The following CYTL1 variants were observed in gnomAD, a reference collection of about 807,000 sequenced individuals.
CYTL1 encodes cytokine like 1.
In CYTL1, 17 loss-of-function variants were observed where a neutral mutation model predicts 13.1. The ratio of observed to expected loss-of-function variants is 1.29; its 90% CI spans 0.89 to 1.94. The LOEUF is 1.94. Ranked by LOEUF, CYTL1 falls within the 30% of genes most tolerant of loss-of-function variation. The probability of loss-of-function intolerance (pLI) is 0.00; values close to 1 mark genes in which losing one functional copy is unlikely to be tolerated. For synonymous variants in CYTL1, 91 were observed against 79.4 expected, an observed-to-expected ratio of 1.15 and a Z score of -0.78; for missense variants, 213 against 174.8, an observed-to-expected ratio of 1.22 and a Z score of -1.23.
intron 3 of CYTL1, among the ~76,000 whole-genome samples, chr4:5,016,206 G>A (rs1354021905): frequency 6.6e-6 from 1 of 152,196 alleles, no homozygotes; most frequent in Non-Finnish European, 1.5e-5. Context: ...ATGGTATGAT[G>A]CAGCAAGAAG....
intron 1 of CYTL1, 30 bp from the exon 2 acceptor site, chr4:5,017,209 G>A: frequency 6.2e-7 from 1 of 1,609,536 alleles, no homozygotes; most frequent in Admixed American, 1.7e-5. Flanking sequence ...GTTCTGGGAT[G>A]CCCACAGGGG....
chr4:5,015,375 A>G (rs1741050958), intron 3 of CYTL1, 141 bp from the exon 4 acceptor site: 1 of 622,384 alleles, frequency 1.6e-6, no homozygotes, highest in East Asian at 2.8e-5. Flanking sequence ...TACTCTCCCC[A>G]AAAAGGGCTA....
rs1018761416 is a variant in CYTL1, at chr4:5,016,921, G to T, written c.242C>A (p.Pro81His). The change falls in exon 3 of 4, where the codon CCC becomes CAC. Residue 81 changes from proline (P) to histidine (H), a missense_variant. By Grantham distance (77) the Pro-to-His change is moderately conservative (BLOSUM62 -2). Transcript: ENST00000307746. ...TACCTGGGCCACTTTCCAACACGGG[G>T]GCGAGGCCACAAAGTCCCGCAGCTT... ...LDKLRDFVAS[P>H]PCWKVAQVDS... 2.5e-6 allele frequency: 4 copies of T among 1,614,062 alleles called. No homozygotes were observed. Among genetic ancestry groups the T allele is most frequent in the African/African-American group, 1.3e-5 (1 of 74,912 alleles).
chr4:5,014,944 G>A lies in CYTL1; in HGVS notation c.*207C>T, dbSNP rs1433317843. 13 of 568,940 alleles carry A rather than the reference G, an allele frequency of 2.3e-5. No individual in the cohort carries two copies. The highest frequency in any genetic ancestry group is 3.8e-5 in the African/African-American group (2 of 52,966). The allele number at this position is 568,940 out of a possible 1,614,324, so 35.2% of individuals were successfully genotyped here. A position where few individuals can be genotyped will look rare whatever the true frequency, so the allele number is the denominator to read the frequency against. On this transcript the variant is annotated 3_prime_UTR_variant, in exon 4 of 4. Coordinates refer to ENST00000307746, the MANE Select transcript of CYTL1 (RefSeq NM_018659.3). ...CCATCCTGGCAAGACATGAGTCAAG[G>A]GAATGAGAAGCATGGTTGCTAACTC...
intron 3 of CYTL1, 68 bp from the exon 4 acceptor site, chr4:5,015,302 G>C: frequency 2.4e-6 from 3 of 1,247,710 alleles, no homozygotes; most frequent in Non-Finnish European, 3.5e-6. Context: ...GCAACTGTAG[G>C]GCTCTTGGTT....
At chr4:5,018,022 C>T (rs899394871) in intron 1 of CYTL1, among the ~76,000 whole-genome samples, 1 of 152,156 alleles carries the variant, frequency 6.6e-6, no homozygotes, top group African/African-American at 2.4e-5. Context: ...ACTTTTTAAA[C>T]CTTTTAAAAT....
At chr4:5,017,010 C>G (rs780400407) in intron 2 of CYTL1, 46 bp from the exon 3 acceptor site, 10 of 1,612,814 alleles carry the variant, frequency 6.2e-6, no homozygotes, top group Non-Finnish European at 8.5e-6. Flanking sequence ...AAGTCAGTAG[C>G]AAGAGGAACA....
At chr4:5,019,088 CT>C (rs1741140904) in intron 1 of CYTL1, among the ~76,000 whole-genome samples, 2 of 123,218 alleles carry the variant, frequency 1.6e-5, no homozygotes, top group African/African-American at 6.2e-5. Context: ...GTTGTCTTTA[CT>C]TTTTCTTGTG....
rs1330789424 is a variant in CYTL1, at chr4:5,016,901, G to C, written c.262C>G (p.Gln88Glu). The C allele has an allele frequency of 1.9e-6, 3 of 1,614,054 alleles. No individual in the cohort carries two copies. The highest frequency in any genetic ancestry group is 2.5e-6 in the Non-Finnish European group (3 of 1,180,050). Reference sequence around the variant, plus strand: ...GCTTTGTCCTTCAAGGAATCTACCTGGGCCACTTTCCAACACGGGGGCGAG... The same window carrying C: ...GCTTTGTCCTTCAAGGAATCTACCTCGGCCACTTTCCAACACGGGGGCGAG... The part of the protein sequence containing the change: ...VASPPCWKVA[Q>E]VDSLKDKARK... The change falls in exon 3 of 4, where the codon CAG becomes GAG. Residue 88 changes from glutamine to glutamate, a missense_variant. Coordinates refer to ENST00000307746, the MANE Select transcript of CYTL1 (RefSeq NM_018659.3).
rs745376568 is a variant in CYTL1 at position 5,019,385 on chromosome 4, G to T, written c.61C>A (p.Arg21=). 1 of 1,499,234 alleles carries T rather than the reference G, an allele frequency of 6.7e-7. No homozygotes were observed. The highest frequency in any genetic ancestry group is 8.8e-7 in the Non-Finnish European group (1 of 1,132,192). 92.9% of individuals were successfully genotyped at this position (1,499,234 alleles called of 1,614,324 possible). ...LLLLAGAPAA[R]PTPPTCYSRM... The stretch of plus-strand genomic sequence containing the variant: ...GAGTAGCAGGTCGGGGGAGTGGGCC[G>T]CGCGGCGGGGGCTCCCGCCAGGAGC... Residue 21 remains arginine (R), a synonymous_variant, in exon 1 of 4, where the codon CGG becomes AGG. Transcript: ENST00000307746.
At position 5,015,115 on chromosome 4, in the gene CYTL1, T is replaced by C. The variant is rs1250856324; in HGVS notation, c.*36A>G. 1.3e-6 allele frequency: 2 copies of C among 1,581,288 alleles called. No individual in the cohort carries two copies. The highest frequency in any genetic ancestry group is 1.7e-6 in the Non-Finnish European group (2 of 1,151,306). ...TAAGTCTGGGTAGCTGACATAACTGTAGTTCTCTTGGGTTCTTTCTCTGGT... is the reference window on the plus strand; with the variant it reads ...TAAGTCTGGGTAGCTGACATAACTGCAGTTCTCTTGGGTTCTTTCTCTGGT... On this transcript the variant is annotated 3_prime_UTR_variant, in exon 4 of 4. Coordinates refer to ENST00000307746, the MANE Select transcript of CYTL1 (RefSeq NM_018659.3).
In CYTL1 at chr4:5,016,927, G is replaced by A. The variant is rs367757449; in HGVS notation, c.236C>T (p.Ala79Val). The A allele has an allele frequency of 7.4e-6, 12 of 1,614,080 alleles. No individual in the cohort carries two copies. Among genetic ancestry groups the A allele is most frequent in the Non-Finnish European group, 1.0e-5 (12 of 1,180,048 alleles). Reference sequence around the variant, plus strand: ...GGCCACTTTCCAACACGGGGGCGAGGCCACAAAGTCCCGCAGCTTGTCCAG... The same window carrying A: ...GGCCACTTTCCAACACGGGGGCGAGACCACAAAGTCCCGCAGCTTGTCCAG... ...CVLDKLRDFVASPPCWKVAQV... is the reference protein window; with the variant it reads ...CVLDKLRDFVVSPPCWKVAQV... The change falls in exon 3 of 4, where the codon GCC (alanine) becomes GTC (valine). Residue 79 changes from alanine to valine, a missense_variant. Ala to Val is a moderately conservative substitution (Grantham distance 64, BLOSUM62 0). Transcript: ENST00000307746.
At chr4:5,015,520 G>A (rs1185369321) in intron 3 of CYTL1, among the ~76,000 whole-genome samples, 1 of 152,190 alleles carries the variant, frequency 6.6e-6, no homozygotes, top group Non-Finnish European at 1.5e-5. Context: ...GGGTGAGGGA[G>A]GGAATAAATG....
At chr4:5,016,726 C>T in intron 3 of CYTL1, 110 bp downstream of exon 3, 2 of 1,373,834 alleles carry the variant, frequency 1.5e-6, no homozygotes, top group Non-Finnish European at 2.0e-6. Context: ...TGCGAAACAT[C>T]TCTGCTCCTC....
At chr4:5,016,169 C>A (rs1741067688) in intron 3 of CYTL1, among the ~76,000 whole-genome samples, 2 of 152,206 alleles carry the variant, frequency 1.3e-5, no homozygotes, top group South Asian at 4.1e-4. Context: ...CTGGCTCTTA[C>A]CCTCTTGCTG....
intron 1 of CYTL1, among the ~76,000 whole-genome samples, chr4:5,019,007 T>C (rs1172234143): frequency 2.2e-5 from 3 of 137,582 alleles, no homozygotes; most frequent in Non-Finnish European, 3.3e-5. Context: ...TTTTTTCTTT[T>C]TTTTTTTTTT....
intron 1 of CYTL1, 23 bp from the exon 2 acceptor site, chr4:5,017,202 C>T (rs1357693494): frequency 6.2e-7 from 1 of 1,612,306 alleles, no homozygotes; most frequent in South Asian, 1.1e-5. Flanking sequence ...ATAAGGGGTT[C>T]TGGGATGCCC....
chr4:5,015,475 A>C (rs1741053170), intron 3 of CYTL1, among the ~76,000 whole-genome samples: 1 of 144,462 alleles, frequency 6.9e-6, no homozygotes, highest in Non-Finnish European at 1.5e-5. Context: ...TGGAATTCAC[A>C]CATACATTGA....
At chr4:5,016,006 C>T (rs1006507704) in intron 3 of CYTL1, among the ~76,000 whole-genome samples, 1 of 152,218 alleles carries the variant, frequency 6.6e-6, no homozygotes, top group Non-Finnish European at 1.5e-5. Flanking sequence ...GTGTTGGAAA[C>T]TTAATCCCTC....
Sources: allele counts gnomAD v4.1 joint callset (sites outside exome capture counted in the v4.1 genomes callset), GRCh38; gene constraint gnomAD v4.1.1; transcripts MANE v1.5; gene names NCBI Gene and HGNC (gene_info 2026-07-23, HGNC 2026-07-21).